SIAH1: variants seen among roughly 807,000 people sequenced by gnomAD.
SIAH1 encodes the protein siah E3 ubiquitin protein ligase 1, also known as E3 ubiquitin-protein ligase SIAH1.
SIAH1 carries 2 observed loss-of-function variants against 20.0 expected under a neutral mutation model. The observed-to-expected ratio is 0.10, with a 90% confidence interval of 0.04 to 0.31. The LOEUF is 0.31. Ranked by LOEUF, SIAH1 falls within the 10% of genes least tolerant of loss-of-function variation. The pLI is 1.00. For synonymous variants in SIAH1, 118 were observed against 125.3 expected (o/e 0.94, Z 0.39); for missense variants, 119 against 355.3 (o/e 0.33, Z 5.35).
At chr16:48,363,702 C>T (rs1960706773) in intron 1 of SIAH1, 2 of 167,084 alleles carry the variant, frequency 1.2e-5, no homozygotes, top group African/African-American at 2.4e-5. Flanking sequence ...TAGGGTTCTC[C>T]AGCGTTGCTG....
In SIAH1 at chr16:48,365,771, T is replaced by C. The variant is rs1308232546; in HGVS notation, c.-2-3341A>G. The C allele has an allele frequency of 1.1e-5, 15 of 1,342,968 alleles. No individual in the cohort carries two copies. The East Asian group carries it at 1.8e-4, about 17-fold the overall frequency. The allele number at this position is 1,342,968 out of a possible 1,614,324, so 83.2% of individuals were successfully genotyped here. ...GCTTTCGTCTGTCTCCCAAGTTTGT[T>C]TTCTCCAGATTCACTGGGTAGGGTC... On this transcript the variant is annotated intron_variant, in intron 1 of 1. Coordinates refer to ENST00000394725, the MANE Select transcript of SIAH1 (RefSeq NM_003031.4).
intron 1 of SIAH1, among the ~76,000 whole-genome samples, chr16:48,380,137 T>C (rs62059414): frequency 0.064 from 9,722 of 152,286 alleles, 439 homozygotes; most frequent in Non-Finnish European, 0.1. Flanking sequence ...AAAAAAGAAC[T>C]GTTATCCAAA....
At position 48,378,879 on chromosome 16, in the gene SIAH1, G is replaced by A. The variant is rs142470656; in HGVS notation, c.-3+6325C>T. ...TGTACTCCTTCCCCCTTCAAAGGGC[G>A]AGCTCCTTATCCTTGGACACCAGGT... On this transcript the variant is annotated intron_variant, in intron 1 of 1. Coordinates refer to ENST00000394725, the MANE Select transcript of SIAH1 (RefSeq NM_003031.4). Among the ~76,000 whole-genome samples the A allele has an allele frequency of 4.9e-4, 75 of 152,282 alleles. No homozygotes were observed. The Middle Eastern group carries it at 0.01, about 21-fold the overall frequency.
chr16:48,366,218 T>C (rs541813624), intron 1 of SIAH1, among the ~76,000 whole-genome samples: 9 of 152,338 alleles, frequency 5.9e-5, no homozygotes, highest in Admixed American at 2.6e-4. Context: ...GGCAGTTTCT[T>C]ATGGTTTCGA....
At chr16:48,384,092 C>G (rs1017713433) in intron 1 of SIAH1, among the ~76,000 whole-genome samples, 10 of 152,156 alleles carry the variant, frequency 6.6e-5, no homozygotes, top group African/African-American at 2.2e-4. Flanking sequence ...GGATTTGACC[C>G]AAAGCAGACA....
At chr16:48,365,696 C>T (rs1960809515) in intron 1 of SIAH1, 3 of 1,422,794 alleles carry the variant, frequency 2.1e-6, no homozygotes, top group Non-Finnish European at 2.7e-6. Context: ...AATTCGACTG[C>T]ATCTCCAAAA....
chr16:48,361,769 A>G lies in SIAH1; in HGVS notation c.660T>C (p.Asn220=). The part of the protein sequence containing the change: ...QLIGTRKQAE[N]FAYRLELNGH... Reference sequence around the variant, plus strand: ...CATTTAGCTCAAGTCGGTAAGCAAAATTTTCAGCTTGCTTGCGTGTTCCTA... The same window carrying G: ...CATTTAGCTCAAGTCGGTAAGCAAAGTTTTCAGCTTGCTTGCGTGTTCCTA... The change falls in exon 2 of 2, where the codon AAT becomes AAC. Residue 220 remains asparagine (N), a synonymous_variant. Transcript: ENST00000394725. 1 of 1,614,046 alleles carries G rather than the reference A, an allele frequency of 6.2e-7. No homozygotes were observed. Among genetic ancestry groups the G allele is most frequent in the Non-Finnish European group, 8.5e-7 (1 of 1,180,012 alleles).
chr16:48,365,889 G>C, intron 1 of SIAH1: 1 of 1,235,504 alleles, frequency 8.1e-7, no homozygotes, highest in African/African-American at 1.5e-5. Context: ...AGTTACTGCA[G>C]GAGCCTGCCT....
rs1277061725 is a variant in SIAH1, at chr16:48,362,370, T to G, written c.59A>C (p.Gln20Pro). ...PTGTSKCPPSQRVPALTGTTA... is the reference protein window; with the variant it reads ...PTGTSKCPPSPRVPALTGTTA... ...TGTGCCAGTCAGGGCAGGCACCCTC[T>G]GGGATGGTGGACACTTCGAGGTACC... Residue 20 changes from glutamine (Q) to proline (P), a missense_variant, in exon 2 of 2, where the codon CAG becomes CCG. Physicochemically the swap from Gln to Pro is moderately conservative, Grantham distance 76 (BLOSUM62 -1). Transcript: ENST00000394725. The surrounding 1 kb of genome is among the most constrained non-coding windows in gnomAD (Gnocchi z 4.2). 6.2e-7 allele frequency: 1 copy of G among 1,614,062 alleles called. No homozygotes were observed. Among genetic ancestry groups the G allele is most frequent in the Non-Finnish European group, 8.5e-7 (1 of 1,180,038 alleles).
At chr16:48,373,358 T>C (rs1242594873) in intron 1 of SIAH1, among the ~76,000 whole-genome samples, 17 of 152,182 alleles carry the variant, frequency 1.1e-4, no homozygotes, top group Admixed American at 7.9e-4. Context: ...CCTTATCACC[T>C]CCCAAAGTCT....
In SIAH1 at chr16:48,361,143, T is replaced by A. The variant is rs895130484; in HGVS notation, c.*437A>T. ...AAAAGCACACAGCAGCACTATGTAT[T>A]GACTCACAAAGGGAAAAGCAGTGGC... is the stretch of plus-strand genomic sequence containing the variant. On this transcript the variant is annotated 3_prime_UTR_variant, in exon 2 of 2. Transcript: ENST00000394725. 1 of 165,162 alleles carries A rather than the reference T, an allele frequency of 6.1e-6. No individual in the cohort carries two copies. The highest frequency in any genetic ancestry group is 1.3e-5 in the Non-Finnish European group (1 of 75,060). The allele number at this position is 165,162 out of a possible 1,614,324, so 10.2% of individuals were successfully genotyped here.
At chr16:48,365,394 C>T (rs777861990) in intron 1 of SIAH1, 2 of 1,614,022 alleles carry the variant, frequency 1.2e-6, no homozygotes, top group Admixed American at 3.3e-5. Context: ...TACCTTTTCT[C>T]TTCCTTGTCC....
chr16:48,385,279 C>T lies in SIAH1; in HGVS notation c.-78G>A, dbSNP rs772586260. The T allele has an allele frequency of 1.5e-4, 47 of 311,434 alleles. No homozygotes were observed. Among genetic ancestry groups the T allele is most frequent in the Non-Finnish European group, 2.8e-4 (41 of 146,224 alleles). The allele number at this position is 311,434 out of a possible 1,614,324, so 19.3% of individuals were successfully genotyped here. A position where few individuals can be genotyped will look rare whatever the true frequency, so the allele number is the denominator to read the frequency against. ...CGTCGCCAACCCCCGCCACCGCGGG[C>T]AGCGCCACCGCCTCTTCCCGGCGCC... On this transcript the variant is annotated 5_prime_UTR_variant, in exon 1 of 2. Transcript: ENST00000394725.
intron 1 of SIAH1, among the ~76,000 whole-genome samples, chr16:48,377,852 A>G (rs1178697641): frequency 6.6e-6 from 1 of 152,082 alleles, no homozygotes; most frequent in Non-Finnish European, 1.5e-5. Flanking sequence ...CCGAGGCGGC[A>G]GGATTGCTAA....
rs1960785038 is a variant in SIAH1 at position 48,365,276 on chromosome 16, C to G, written c.-2-2846G>C. The stretch of plus-strand genomic sequence containing the variant: ...GCCCAAATGAAACATGACTGAGAAC[C>G]TCGGAAACGTCTCGATTCTGCTGCA... On this transcript the variant is annotated intron_variant, in intron 1 of 1. Coordinates refer to ENST00000394725, the MANE Select transcript of SIAH1 (RefSeq NM_003031.4). The G allele has an allele frequency of 6.3e-6, 7 of 1,119,726 alleles. No homozygotes were observed. In the East Asian group the frequency reaches 1.8e-4, roughly 28 times the overall value. The allele number at this position is 1,119,726 out of a possible 1,614,324, so 69.4% of individuals were successfully genotyped here.
At chr16:48,365,628 G>A in intron 1 of SIAH1, 5 of 1,432,100 alleles carry the variant, frequency 3.5e-6, no homozygotes, top group East Asian at 5.0e-5. Context: ...CAGTTACAGA[G>A]GTGGAGAAAG....
chr16:48,382,921 TTTG>T (rs1181342429), intron 1 of SIAH1, among the ~76,000 whole-genome samples: 6 of 151,116 alleles, frequency 4.0e-5, no homozygotes, highest in African/African-American at 1.2e-4. Context: ...GAAAATCCTA[TTTG>T]TTATTTTATG....
intron 1 of SIAH1, among the ~76,000 whole-genome samples, chr16:48,370,997 C>G (rs1960971153): frequency 6.6e-6 from 1 of 151,846 alleles, no homozygotes; most frequent in African/African-American, 2.4e-5. Context: ...GCCTGTAATC[C>G]CAGCTACTAC....
rs199692845 is a variant in SIAH1, at chr16:48,361,488, C to G, written c.*92G>C. The G allele has an allele frequency of 7.5e-7, 1 of 1,327,020 alleles. No homozygotes were observed. The highest frequency in any genetic ancestry group is 1.1e-6 in the Non-Finnish European group (1 of 936,396). 82.2% of individuals were successfully genotyped at this position (1,327,020 alleles called of 1,614,324 possible). ...CTTCATGTGTCTAGCTTCCACCTAC[C>G]GAAAGAGTTTTAGGTTGGCAGACAG... On this transcript the variant is annotated 3_prime_UTR_variant, in exon 2 of 2. Coordinates refer to ENST00000394725, the MANE Select transcript of SIAH1 (RefSeq NM_003031.4).
Sources: allele counts gnomAD v4.1 joint callset (sites outside exome capture counted in the v4.1 genomes callset), GRCh38; gene constraint gnomAD v4.1.1; non-coding constraint Gnocchi (gnomAD v3.1); transcripts MANE v1.5; gene names NCBI Gene and HGNC (gene_info 2026-07-23, HGNC 2026-07-21).